Variants in TSHZ2 observed in about 807,000 individuals in gnomAD.
The protein encoded by TSHZ2 is teashirt homolog 2.
A neutral mutation model predicts 74.4 loss-of-function variants in TSHZ2; 21 were observed. The ratio of observed to expected loss-of-function variants is 0.28; its 90% CI spans 0.20 to 0.41. TSHZ2 has a LOEUF of 0.41. TSHZ2 is among the 10% of genes least tolerant of loss of function. The pLI is 1.00. For synonymous variants in TSHZ2, 540 were observed against 515.3 expected (o/e 1.05, Z -0.65); for missense variants, 1,244 against 1,293.5 (o/e 0.96, Z 0.59).
intron 2 of TSHZ2, among the ~76,000 whole-genome samples, chr20:53,363,604 TAAATG>T (rs1273852229): frequency 6.6e-6 from 1 of 152,178 alleles, no homozygotes; most frequent in African/African-American, 2.4e-5. Context: ...ATAAAGCAGA[TAAATG>T]AGTGAGTGGA....
chr20:53,181,023 G>T (rs987628354), intron 1 of TSHZ2, among the ~76,000 whole-genome samples: 1 of 151,976 alleles, frequency 6.6e-6, no homozygotes, highest in Non-Finnish European at 1.5e-5. Flanking sequence ...CCCCTTCATT[G>T]AGTGTACCCC....
At chr20:53,035,253 A>T (rs1347014092) in intron 1 of TSHZ2, among the ~76,000 whole-genome samples, 3 of 152,190 alleles carry the variant, frequency 2.0e-5, no homozygotes, top group African/African-American at 7.2e-5. Flanking sequence ...CATAGCAATG[A>T]GTCCTCTTTT....
chr20:53,186,477 A>C (rs571687836), intron 1 of TSHZ2, among the ~76,000 whole-genome samples: 1 of 152,186 alleles, frequency 6.6e-6, no homozygotes, highest in African/African-American at 2.4e-5. Context: ...ACTGCAAGTA[A>C]TAGTTTGAGG....
intron 1 of TSHZ2, among the ~76,000 whole-genome samples, chr20:53,251,486 T>C (rs1233168302): frequency 6.6e-6 from 1 of 152,236 alleles, no homozygotes; most frequent in Non-Finnish European, 1.5e-5. Flanking sequence ...CATATGGTCA[T>C]TTTAAACTAC....
At chr20:53,102,542 A>G (rs1012031046) in intron 1 of TSHZ2, among the ~76,000 whole-genome samples, 2 of 152,028 alleles carry the variant, frequency 1.3e-5, no homozygotes, top group African/African-American at 4.8e-5. Flanking sequence ...TCTTAATAAG[A>G]CCGTAAAGAG....
chr20:53,385,923 TC>T (rs1489457988), intron 2 of TSHZ2, among the ~76,000 whole-genome samples: 1 of 152,126 alleles, frequency 6.6e-6, no homozygotes, highest in Admixed American at 6.6e-5. Flanking sequence ...ACCAGATCAC[TC>T]CGGACACAAA....
At position 53,332,735 on chromosome 20, in the gene TSHZ2, G is replaced by T. The variant is rs114437799; in HGVS notation, c.*8+76164G>T. On this transcript the variant is annotated intron_variant, in intron 2 of 2. Coordinates refer to ENST00000371497, the MANE Select transcript of TSHZ2 (RefSeq NM_173485.6). ...TGTACCAACTTTTTCCTTTTCTTGT[G>T]TAGTTTGCACTGAGAGATCTTTAGC... 3.9e-3 allele frequency among the ~76,000 whole-genome samples: 591 copies of T among 152,284 alleles called. 5 individuals carry two copies. Among genetic ancestry groups the T allele is most frequent in the African/African-American group, 0.014 (561 of 41,554 alleles).
intron 2 of TSHZ2, among the ~76,000 whole-genome samples, chr20:53,433,369 C>A (rs557161199): frequency 6.6e-6 from 1 of 151,938 alleles, no homozygotes; most frequent in African/African-American, 2.4e-5. Context: ...CCTGTCTCTA[C>A]AAAAAGTTTA....
intron 2 of TSHZ2, among the ~76,000 whole-genome samples, chr20:53,304,555 C>T (rs1487476771): frequency 6.6e-6 from 1 of 152,166 alleles, no homozygotes; most frequent in Non-Finnish European, 1.5e-5. Flanking sequence ...AAATTGCCTG[C>T]CCCAAACCTA....
At chr20:53,318,026 A>T (rs1471682651) in intron 2 of TSHZ2, among the ~76,000 whole-genome samples, 2 of 152,222 alleles carry the variant, frequency 1.3e-5, no homozygotes, top group Non-Finnish European at 2.9e-5. Context: ...AAGGCCAGAC[A>T]TGTAGTAGGG....
chr20:53,305,548 A>G (rs1978498694), intron 2 of TSHZ2, among the ~76,000 whole-genome samples: 1 of 152,198 alleles, frequency 6.6e-6, no homozygotes, highest in Non-Finnish European at 1.5e-5. Flanking sequence ...TGACAATCAC[A>G]GGGTCTCTTC....
At chr20:53,072,152 C>T (rs1985195746) in intron 1 of TSHZ2, among the ~76,000 whole-genome samples, 1 of 152,150 alleles carries the variant, frequency 6.6e-6, no homozygotes, top group Non-Finnish European at 1.5e-5. Context: ...GGTTTGTTTT[C>T]CTAACCAACA....
chr20:53,273,385 C>G (rs985225881), intron 2 of TSHZ2: 1 of 152,432 alleles, frequency 6.6e-6, no homozygotes, highest in African/African-American at 2.4e-5. Flanking sequence ...CCTCTGCCTC[C>G]TGGGTTCAAG....
chr20:53,052,412 G>T (rs909478702), intron 1 of TSHZ2, among the ~76,000 whole-genome samples: 1 of 152,188 alleles, frequency 6.6e-6, no homozygotes, highest in Non-Finnish European at 1.5e-5. Context: ...TGAACTGTGC[G>T]TGTGAGGGAT....
At chr20:53,282,235 G>A (rs1372341423) in intron 2 of TSHZ2, among the ~76,000 whole-genome samples, 1 of 152,144 alleles carries the variant, frequency 6.6e-6, no homozygotes, top group Non-Finnish European at 1.5e-5. Context: ...TCCAAAAAAA[G>A]GATCAAAAGA....
chr20:53,127,727 A>T (rs1180169518), intron 1 of TSHZ2, among the ~76,000 whole-genome samples: 1 of 152,198 alleles, frequency 6.6e-6, no homozygotes, highest in Non-Finnish European at 1.5e-5. Context: ...ATCTTTATTG[A>T]AAACTGTGAG....
chr20:53,152,517 G>T (rs909040087), intron 1 of TSHZ2, among the ~76,000 whole-genome samples: 10 of 152,146 alleles, frequency 6.6e-5, no homozygotes, highest in Non-Finnish European at 2.9e-5. Context: ...ACTGGTTGTT[G>T]CCACACAGAA....
intron 2 of TSHZ2, among the ~76,000 whole-genome samples, chr20:53,405,417 C>T (rs1192828781): frequency 6.6e-6 from 1 of 152,112 alleles, no homozygotes; most frequent in African/African-American, 2.4e-5. Flanking sequence ...TTGAGGAAGT[C>T]AGCACTTGAA....
At chr20:53,164,287 C>T (rs561146586) in intron 1 of TSHZ2, among the ~76,000 whole-genome samples, 1 of 152,270 alleles carries the variant, frequency 6.6e-6, no homozygotes, top group African/African-American at 2.4e-5. Context: ...AATCAATACA[C>T]TACTACCAGA....
Sources: allele counts gnomAD v4.1 joint callset (sites outside exome capture counted in the v4.1 genomes callset), GRCh38; gene constraint gnomAD v4.1.1; transcripts MANE v1.5; gene names NCBI Gene and HGNC (gene_info 2026-07-23, HGNC 2026-07-21).